PLXNA1: variants seen among roughly 807,000 people sequenced by gnomAD.
The protein encoded by PLXNA1 is plexin A1.
In PLXNA1, 77 loss-of-function variants were observed where a neutral mutation model predicts 191.7. The observed-to-expected ratio is 0.40, with a 90% CI of 0.33 to 0.49. The LOEUF is 0.49. PLXNA1 is among the 20% of genes least tolerant of loss of function. PLXNA1 has a pLI of 0.63. For synonymous variants in PLXNA1, 1,137 were observed against 1,156.4 expected (o/e 0.98, Z 0.34); for missense variants, 2,110 against 2,660.2 (o/e 0.79, Z 4.55).
chr3:127,007,480 T>C (rs1408280214), intron 8 of PLXNA1, among the ~76,000 whole-genome samples: 1 of 152,184 alleles, frequency 6.6e-6, no homozygotes, highest in Non-Finnish European at 1.5e-5. Context: ...CGAGTACCCA[T>C]GCCTGGCTGG....
At chr3:126,991,823 G>T (rs1036091904) in intron 3 of PLXNA1, among the ~76,000 whole-genome samples, 3 of 152,188 alleles carry the variant, frequency 2.0e-5, no homozygotes, top group Non-Finnish European at 4.4e-5. Flanking sequence ...CTGTGCAGGG[G>T]CCCAGGGATG....
At position 126,988,863 on chromosome 3, in the gene PLXNA1, G is replaced by A; in HGVS notation, c.270G>A (p.Glu90=). Residue 90 remains glutamate, a synonymous_variant, in exon 2 of 32, where the codon GAG becomes GAA. Transcript: ENST00000393409. ...LLRAHVTGPV[E]DNEKCYPPPS... ...GGGCCCACGTCACGGGCCCTGTGGA[G>A]GACAACGAGAAGTGCTACCCGCCGC... is the stretch of plus-strand genomic sequence containing the variant. 1 of 1,613,396 alleles carries A rather than the reference G, an allele frequency of 6.2e-7. No individual in the cohort carries two copies. The highest frequency in any genetic ancestry group is 8.5e-7 in the Non-Finnish European group (1 of 1,180,012).
chr3:127,025,149 G>C (rs78149781), intron 23 of PLXNA1, among the ~76,000 whole-genome samples: 10,232 of 152,124 alleles, frequency 0.067, 374 homozygotes, highest in African/African-American at 0.1. Flanking sequence ...GATGAACGTA[G>C]GATGCCATGT....
chr3:127,020,986 C>T (rs1017853878), intron 21 of PLXNA1, among the ~76,000 whole-genome samples: 1 of 152,254 alleles, frequency 6.6e-6, no homozygotes, highest in Non-Finnish European at 1.5e-5. Context: ...CCCCCAGCGG[C>T]AGGCAGGCTA....
chr3:127,011,634 G>A (rs2079096094), intron 9 of PLXNA1, among the ~76,000 whole-genome samples: 2 of 152,102 alleles, frequency 1.3e-5, no homozygotes, highest in African/African-American at 4.8e-5. Flanking sequence ...CCAGCGCAGA[G>A]CCTGCAGCCC....
intron 1 of PLXNA1, among the ~76,000 whole-genome samples, chr3:126,984,262 G>T (rs1260763772): frequency 2.6e-5 from 4 of 152,194 alleles, no homozygotes; most frequent in Admixed American, 2.6e-4. Flanking sequence ...TCCTGTGTGG[G>T]GTTCTGGGGC....
intron 3 of PLXNA1, among the ~76,000 whole-genome samples, chr3:126,999,492 G>A (rs568734504): frequency 1.3e-5 from 2 of 152,336 alleles, no homozygotes; most frequent in East Asian, 1.9e-4. Flanking sequence ...GGGCCAAGCC[G>A]GGCAGCCCCC....
intron 9 of PLXNA1, among the ~76,000 whole-genome samples, chr3:127,009,882 G>A (rs2079087426): frequency 6.6e-6 from 1 of 152,238 alleles, no homozygotes; most frequent in Admixed American, 6.5e-5. Context: ...CCCCACCGAA[G>A]CTGAGCTCAT....
chr3:127,023,591 C>T (rs539556987), intron 23 of PLXNA1, among the ~76,000 whole-genome samples: 2 of 152,286 alleles, frequency 1.3e-5, no homozygotes, highest in East Asian at 3.9e-4. Flanking sequence ...CACTGACTGC[C>T]TGGGTTCGAT....
At chr3:127,002,527 G>A (rs2079046017) in intron 3 of PLXNA1, among the ~76,000 whole-genome samples, 1 of 152,188 alleles carries the variant, frequency 6.6e-6, no homozygotes, top group Admixed American at 6.5e-5. Context: ...CTAGGCCCCT[G>A]CCCTGAGGTG....
chr3:127,032,659 T>C, intron 30 of PLXNA1, 27 bp from the exon 31 acceptor site: 1 of 1,611,742 alleles, frequency 6.2e-7, no homozygotes, highest in Non-Finnish European at 8.5e-7. Flanking sequence ...ACTCTGCTCA[T>C]GTGCCCACCT....
chr3:127,017,402 G>C, intron 17 of PLXNA1, 23 bp from the exon 18 acceptor site: 2 of 1,606,030 alleles, frequency 1.2e-6, no homozygotes, highest in South Asian at 2.2e-5. Context: ...GTCCCGCCCA[G>C]CATCCCCACC....
intron 3 of PLXNA1, among the ~76,000 whole-genome samples, chr3:126,997,832 C>T (rs1047400542): frequency 2.0e-5 from 3 of 152,226 alleles, no homozygotes; most frequent in East Asian, 1.9e-4. Context: ...GCCAGTCAGG[C>T]CTAAGCCAGG....
At chr3:127,006,227 C>CAGG in intron 8 of PLXNA1, 49 bp downstream of exon 8, 7 of 1,408,484 alleles carry the variant, frequency 5.0e-6, no homozygotes, top group South Asian at 1.2e-5. Context: ...GCTACTTGCC[C>CAGG]CACTCCCGTC....
At chr3:127,018,896 CGTG>C (rs1342545026) in intron 20 of PLXNA1, among the ~76,000 whole-genome samples, 3 of 152,164 alleles carry the variant, frequency 2.0e-5, no homozygotes, top group Non-Finnish European at 2.9e-5. Flanking sequence ...TGCTGGGAGT[CGTG>C]GTGGGTTGGC....
In PLXNA1 at chr3:127,029,891, G is replaced by A. The variant is rs771135879; in HGVS notation, c.4888G>A (p.Ala1630Thr). Reference protein sequence around the residue: ...LSRYESMLRTASSPDSLRSRT... With the variant: ...LSRYESMLRTTSSPDSLRSRT... ...TGCTGCAGAGAGCATGCTGCGCACG[G>A]CCAGCAGCCCCGACAGCCTGCGCTC... is the stretch of plus-strand genomic sequence containing the variant. The change falls in exon 28 of 32, where the codon GCC becomes ACC. Residue 1630 changes from alanine (A) to threonine (T), a missense_variant. Physicochemically the swap from Ala to Thr is moderately conservative, Grantham distance 58. Transcript: ENST00000393409. The A allele has an allele frequency of 1.2e-6, 2 of 1,610,216 alleles. No individual in the cohort carries two copies. The highest frequency in any genetic ancestry group is 1.7e-6 in the Non-Finnish European group (2 of 1,177,778).
chr3:126,994,488 G>C, intron 3 of PLXNA1, among the ~76,000 whole-genome samples: 1 of 150,400 alleles, frequency 6.6e-6, no homozygotes, highest in Non-Finnish European at 1.5e-5. Context: ...CCCTGGGTTT[G>C]GGGTGAGGGG....
Position 127,028,020 on chromosome 3 carries a change from G to A in PLXNA1, c.4443G>A (p.Thr1481=), listed in dbSNP as rs2079185441. ...QMEKGPIDAI[T]GEARYSLSED... ...AGAAGGGCCCCATTGACGCCATCACGGGTGAGGCACGCTACTCCCTGAGTG... is the reference window on the plus strand; with the variant it reads ...AGAAGGGCCCCATTGACGCCATCACAGGTGAGGCACGCTACTCCCTGAGTG... The change falls in exon 24 of 32, where the codon ACG becomes ACA. Residue 1481 remains threonine, a synonymous_variant. Coordinates refer to ENST00000393409, the MANE Select transcript of PLXNA1 (RefSeq NM_032242.4). The A allele has an allele frequency of 4.3e-6, 7 of 1,614,026 alleles. No individual in the cohort carries two copies. The highest frequency in any genetic ancestry group is 1.3e-5 in the African/African-American group (1 of 75,036).
In PLXNA1 at chr3:127,028,184, C is replaced by T; in HGVS notation, c.4513C>T (p.Leu1505=). 6.2e-7 allele frequency: 1 copy of T among 1,613,272 alleles called. No individual in the cohort carries two copies. The highest frequency in any genetic ancestry group is 8.5e-7 in the Non-Finnish European group (1 of 1,179,988). The change falls in exon 25 of 32, where the codon CTG becomes TTG. Residue 1505 remains leucine, a synonymous_variant. Transcript: ENST00000393409. ...CCTTGCTCCACCCCGCCCGCAGACC[C>T]TGAACTGTGTGAACCCTGAGAATGA... ...RQQIDYKTLT[L]NCVNPENENA...
Sources: allele counts gnomAD v4.1 joint callset (sites outside exome capture counted in the v4.1 genomes callset), GRCh38; gene constraint gnomAD v4.1.1; transcripts MANE v1.5; gene names NCBI Gene and HGNC (gene_info 2026-07-23, HGNC 2026-07-21).